CLEC7A: variants seen among roughly 807,000 people sequenced by gnomAD.
The protein encoded by CLEC7A is C-type lectin domain containing 7A.
In CLEC7A, 25 loss-of-function variants were observed where a neutral mutation model predicts 26.9. The observed-to-expected ratio is 0.93, with a 90% CI of 0.68 to 1.30. CLEC7A has a LOEUF of 1.30. Ranked by LOEUF, CLEC7A falls within the 50% of genes most tolerant of loss-of-function variation. The probability of loss-of-function intolerance (pLI) is 0.00; values close to 1 mark genes in which losing one functional copy is unlikely to be tolerated. For synonymous variants in CLEC7A, 100 were observed against 99.5 expected, an observed-to-expected ratio of 1.01 and a Z score of -0.03; for missense variants, 275 against 286.7, an observed-to-expected ratio of 0.96 and a Z score of 0.29.
At chr12:10,126,149 A>G in intron 3 of CLEC7A, 1 of 981,890 alleles carries the variant, frequency 1.0e-6, no homozygotes, top group Non-Finnish European at 1.2e-6. Context: ...TCTTGGCAAC[A>G]TTTTCCCTTC....
intron 5 of CLEC7A, among the ~76,000 whole-genome samples, chr12:10,121,115 G>A (rs936014481): frequency 6.6e-6 from 1 of 151,572 alleles, no homozygotes; most frequent in Admixed American, 6.6e-5. Context: ...ACAGAGTAAA[G>A]GAATGCTCTA....
At chr12:10,127,867 A>G (rs1948348538) in intron 1 of CLEC7A, 22 bp from the exon 2 acceptor site, 1 of 1,450,214 alleles carries the variant, frequency 6.9e-7, no homozygotes, top group East Asian at 2.5e-5. Context: ...GAGGGGGCAG[A>G]AATGGAATAA....
chr12:10,125,143 T>C, intron 4 of CLEC7A, 154 bp downstream of exon 4: 2 of 761,236 alleles, frequency 2.6e-6, no homozygotes, highest in Non-Finnish European at 4.4e-6. Context: ...GCGGCTTCAC[T>C]GCACTCTAGC....
rs1355676470 is a variant in CLEC7A, at chr12:10,130,119, G to A, written c.-37C>T. 5.7e-6 allele frequency: 6 copies of A among 1,046,662 alleles called. No individual in the cohort carries two copies. Among genetic ancestry groups the A allele is most frequent in the Non-Finnish European group, 8.8e-6 (6 of 678,216 alleles). The allele number at this position is 1,046,662 out of a possible 1,614,324, so 64.8% of individuals were successfully genotyped here. A position where few individuals can be genotyped will look rare whatever the true frequency, so the allele number is the denominator to read the frequency against. On this transcript the variant is annotated 5_prime_UTR_variant, in exon 1 of 6. Transcript: ENST00000304084. Reference sequence around the variant, plus strand: ...GCCCCTGAATAGATATAGCATTTGGGAGCTCTTTTCTTTCTGCTCCTGAGA... The same window carrying A: ...GCCCCTGAATAGATATAGCATTTGGAAGCTCTTTTCTTTCTGCTCCTGAGA...
chr12:10,123,693 G>A (rs1052967705), intron 4 of CLEC7A, among the ~76,000 whole-genome samples: 7 of 139,958 alleles, frequency 5.0e-5, no homozygotes, highest in Non-Finnish European at 1.0e-4. Flanking sequence ...CCCGGGAAGC[G>A]GAGCTTGCAG....
intron 3 of CLEC7A, among the ~76,000 whole-genome samples, chr12:10,125,931 T>C (rs959119970): frequency 3.9e-5 from 6 of 152,174 alleles, no homozygotes; most frequent in Non-Finnish European, 1.5e-5. Context: ...TTAATAAAAA[T>C]AGTGAGAAGG....
intron 1 of CLEC7A, among the ~76,000 whole-genome samples, chr12:10,129,425 T>C (rs1365874342): frequency 1.3e-5 from 2 of 152,196 alleles, no homozygotes; most frequent in Non-Finnish European, 2.9e-5. Context: ...AAAGAGAAAT[T>C]CTATTTTCTG....
rs561805292 is a variant in CLEC7A at position 10,122,648 on chromosome 12, C to G, written c.611+597G>C. 4.9e-3 allele frequency among the ~76,000 whole-genome samples: 752 copies of G among 152,028 alleles called. 6 individuals are homozygous for G. Among genetic ancestry groups the G allele is most frequent in the Non-Finnish European group, 7.9e-3 (537 of 67,948 alleles). ...TGAGTAGCTGGGATTTCAGGCAATG[C>G]CACCACACCCGGCTAAATTTTTAGT... On this transcript the variant is annotated intron_variant, in intron 5 of 5. Coordinates refer to ENST00000304084, the MANE Select transcript of CLEC7A (RefSeq NM_197947.3).
At position 10,130,018 on chromosome 12, in the gene CLEC7A, G is replaced by A. The variant is rs759032825; in HGVS notation, c.65C>T (p.Ser22Phe). 67 of 1,611,210 alleles carry A rather than the reference G, an allele frequency of 4.2e-5. No individual in the cohort carries two copies. The highest frequency in any genetic ancestry group is 5.5e-5 in the Non-Finnish European group (65 of 1,177,524). Residue 22 changes from serine (S) to phenylalanine (F), a missense_variant, in exon 1 of 6, where the codon TCT becomes TTT. Ser to Phe is a radical substitution (Grantham distance 155). Coordinates refer to ENST00000304084, the MANE Select transcript of CLEC7A (RefSeq NM_197947.3). ...EDGYTQLHFD[S>F]QSNTRIAVVS... Reference sequence around the variant, plus strand: ...AACAGCTATCCTGGTATTGCTTTGAGAGTCGAAGTGTAATTGAGTATATCC... The same window carrying A: ...AACAGCTATCCTGGTATTGCTTTGAAAGTCGAAGTGTAATTGAGTATATCC...
Position 10,125,331 on chromosome 12 carries a change from G to A in CLEC7A, c.458C>T (p.Ser153Phe). Residue 153 changes from serine (S) to phenylalanine (F), a missense_variant, in exon 4 of 6, where the codon TCT becomes TTT. Physicochemically the swap from Ser to Phe is radical, Grantham distance 155. Coordinates refer to ENST00000304084, the MANE Select transcript of CLEC7A (RefSeq NM_197947.3). Reference protein sequence around the residue: ...GSKRQCWQLGSNLLKIDSSNE... With the variant: ...GSKRQCWQLGFNLLKIDSSNE... ...TGAGCTGTCTATCTTTAGGAGATTA[G>A]AGCCCAGTTGCCAGCATTGTCTTTT... 1 of 1,613,714 alleles carries A rather than the reference G, an allele frequency of 6.2e-7. No individual in the cohort carries two copies. The highest frequency in any genetic ancestry group is 8.5e-7 in the Non-Finnish European group (1 of 1,179,920).
At chr12:10,127,358 GA>G in intron 2 of CLEC7A, 2 of 1,581,452 alleles carry the variant, frequency 1.3e-6, no homozygotes, top group South Asian at 2.3e-5. Flanking sequence ...TCATTAGGAA[GA>G]CAGCACCATA....
chr12:10,122,512 G>T (rs1948126817), intron 5 of CLEC7A, among the ~76,000 whole-genome samples: 1 of 122,370 alleles, frequency 8.2e-6, no homozygotes, highest in Non-Finnish European at 1.6e-5. Flanking sequence ...TTTTGAGTTG[G>T]AGTCTCACTG....
rs2137403733 is a variant in CLEC7A at position 10,118,400 on chromosome 12, CTGTTT to C, written c.*53_*57del. ...ACCTCAGCTGTTACTCTTTTCTGTT[CTGTTT>C]TCTGTCCTCCTTACTACCTCACATA... On this transcript the variant is annotated 3_prime_UTR_variant, in exon 6 of 6. Coordinates refer to ENST00000304084, the MANE Select transcript of CLEC7A (RefSeq NM_197947.3). 1 of 1,500,906 alleles carries C rather than the reference CTGTTT, an allele frequency of 6.7e-7. No homozygotes were observed. The highest frequency in any genetic ancestry group is 1.8e-5 in the Admixed American group (1 of 55,494). 93.0% of individuals were successfully genotyped at this position (1,500,906 alleles called of 1,614,324 possible). A position where few individuals can be genotyped will look rare whatever the true frequency, so the allele number is the denominator to read the frequency against.
chr12:10,128,846 A>G (rs1207444841), intron 1 of CLEC7A, among the ~76,000 whole-genome samples: 1 of 152,210 alleles, frequency 6.6e-6, no homozygotes, highest in Non-Finnish European at 1.5e-5. Context: ...CTGAGAGGAA[A>G]ATATTTGTGC....
chr12:10,127,104 G>T (rs552541043), intron 2 of CLEC7A: 2 of 1,287,088 alleles, frequency 1.6e-6, no homozygotes, highest in Non-Finnish European at 2.1e-6. Flanking sequence ...AACATAGAAC[G>T]CACTCAATAA....
intron 1 of CLEC7A, among the ~76,000 whole-genome samples, chr12:10,128,251 CA>C (rs1477434174): frequency 1.7e-3 from 236 of 139,050 alleles, no homozygotes; most frequent in African/African-American, 5.4e-3. Context: ...CACACACCAC[CA>C]ACAACAACAA....
rs186183373 is a variant in CLEC7A at position 10,125,136 on chromosome 12, G to T, written c.492+161C>A. 1,266 of 730,610 alleles carry T rather than the reference G, an allele frequency of 1.7e-3. 12 individuals carry two copies. Among genetic ancestry groups the T allele is most frequent in the Middle Eastern group, 0.013 (45 of 3,508 alleles). 45.3% of individuals were successfully genotyped at this position (730,610 alleles called of 1,614,324 possible). On this transcript the variant is annotated intron_variant, in intron 4 of 5. Transcript: ENST00000304084. ...GATCACTTGAGCCTGGGATGTCGCG[G>T]CTTCACTGCACTCTAGCTTGGGCAA...
At chr12:10,121,798 G>A (rs1948094076) in intron 5 of CLEC7A, among the ~76,000 whole-genome samples, 1 of 152,176 alleles carries the variant, frequency 6.6e-6, no homozygotes, top group South Asian at 2.1e-4. Flanking sequence ...AATTAGGTCA[G>A]GAGATCGAGA....
At chr12:10,126,930 AAAG>A (rs1283574093) in intron 2 of CLEC7A, 50 of 885,520 alleles carry the variant, frequency 5.6e-5, no homozygotes, top group African/African-American at 3.6e-4. Flanking sequence ...AAAAAAAAGA[AAAG>A]AAAAAAGAAG....
Sources: gnomAD v4.1 joint callset for allele counts (sites outside exome capture counted in the v4.1 genomes callset) on GRCh38, gnomAD v4.1.1 for gene constraint, MANE v1.5 for transcripts, NCBI Gene and HGNC (gene_info 2026-07-23, HGNC 2026-07-21) for gene names.